The following TENM3 variants were observed in gnomAD, a reference collection of about 807,000 sequenced individuals.
TENM3 encodes the protein teneurin-3.
Under a neutral mutation model 255.1 loss-of-function variants are expected in TENM3, and 63 were observed. The observed-to-expected ratio is 0.25, with a 90% CI of 0.20 to 0.30. The LOEUF (loss-of-function observed/expected upper bound fraction) is 0.30, where lower values mean the gene tolerates loss of function less well. TENM3 is among the 10% of genes least tolerant of loss of function. The pLI is 1.00. For synonymous variants in TENM3, 1,306 were observed against 1,322.3 expected (o/e 0.99, Z 0.27); for missense variants, 2,929 against 3,461.1 (o/e 0.85, Z 3.86).
the TENM3 span, among the ~76,000 whole-genome samples, chr4:181,552,653 T>G: frequency 6.6e-6 from 1 of 152,186 alleles, no homozygotes; most frequent in African/African-American, 2.4e-5. Flanking sequence ...CATTCTCAGT[T>G]ACTGGGGGGA....
chr4:181,601,966 G>C, the TENM3 span, among the ~76,000 whole-genome samples: 2 of 149,276 alleles, frequency 1.3e-5, no homozygotes, highest in Non-Finnish European at 3.0e-5. Flanking sequence ...CTTCTAAGAT[G>C]CTTGTCTTTG....
intron 1 of TENM3, among the ~76,000 whole-genome samples, chr4:182,280,384 A>G (rs748517781): frequency 6.6e-6 from 1 of 152,196 alleles, no homozygotes; most frequent in African/African-American, 2.4e-5. Context: ...CAACCAGTCC[A>G]TCATAGTCAC....
At chr4:181,496,573 A>C in the TENM3 span, among the ~76,000 whole-genome samples, 4 of 152,192 alleles carry the variant, frequency 2.6e-5, no homozygotes, top group Admixed American at 6.5e-5. Context: ...GTAACTTTTC[A>C]ATGTATAATT....
the TENM3 span, among the ~76,000 whole-genome samples, chr4:181,631,011 GTTCT>G: frequency 1.3e-5 from 2 of 152,148 alleles, no homozygotes; most frequent in African/African-American, 4.8e-5. Flanking sequence ...AGTGAGCTGG[GTTCT>G]CTGATTGCGG....
At chr4:182,695,654 A>G (rs1298637660) in intron 12 of TENM3, among the ~76,000 whole-genome samples, 1 of 152,186 alleles carries the variant, frequency 6.6e-6, no homozygotes, top group Non-Finnish European at 1.5e-5. Context: ...CTAGATGAAG[A>G]TACGACTTTG....
rs528439352 is a variant in TENM3 at position 182,359,881 on chromosome 4, C to T, written c.511+12952C>T. Among the ~76,000 whole-genome samples the T allele has an allele frequency of 5.5e-3, 827 of 150,182 alleles. 9 individuals are homozygous for T. The highest frequency in any genetic ancestry group is 0.019 in the African/African-American group (790 of 41,206). ...TTAGTGCTATAAATTTCCCTCTACA[C>T]ACTGCTTTGAATGCGTCCCAGAGAT... On this transcript the variant is annotated intron_variant, in intron 3 of 27. Coordinates refer to ENST00000511685, the MANE Select transcript of TENM3 (RefSeq NM_001080477.4).
the TENM3 span, among the ~76,000 whole-genome samples, chr4:182,055,774 A>G: frequency 6.6e-6 from 1 of 152,168 alleles, no homozygotes; most frequent in South Asian, 2.1e-4. Context: ...CTATAAATCC[A>G]TATGACTTAA....
At chr4:181,512,284 G>T in the TENM3 span, among the ~76,000 whole-genome samples, 2 of 152,066 alleles carry the variant, frequency 1.3e-5, no homozygotes, top group African/African-American at 4.8e-5. Flanking sequence ...TTCTCTTCTA[G>T]AACAGTCTAC....
At chr4:182,787,088 C>CA (rs1450132295) in intron 24 of TENM3, among the ~76,000 whole-genome samples, 2 of 152,124 alleles carry the variant, frequency 1.3e-5, no homozygotes, top group African/African-American at 2.4e-5. Context: ...CCAAGGTACA[C>CA]AAAGTATTCT....
the TENM3 span, among the ~76,000 whole-genome samples, chr4:181,885,604 C>A: frequency 6.6e-6 from 1 of 152,208 alleles, no homozygotes; most frequent in Admixed American, 6.5e-5. Flanking sequence ...TTAAACAACA[C>A]AACCTCTACT....
the TENM3 span, among the ~76,000 whole-genome samples, chr4:181,568,060 C>G: frequency 6.6e-6 from 1 of 152,004 alleles, no homozygotes; most frequent in African/African-American, 2.4e-5. Flanking sequence ...AAGGAATGAT[C>G]AAGCATCTAG....
At chr4:181,908,210 T>C in the TENM3 span, among the ~76,000 whole-genome samples, 1 of 152,232 alleles carries the variant, frequency 6.6e-6, no homozygotes, top group Non-Finnish European at 1.5e-5. Flanking sequence ...GAAAATTCAA[T>C]GTGCCCATAT....
At chr4:181,741,387 T>G in the TENM3 span, among the ~76,000 whole-genome samples, 9 of 152,290 alleles carry the variant, frequency 5.9e-5, 1 homozygote, top group African/African-American at 2.2e-4. Context: ...TAGTAGCTCT[T>G]GAGAATTTGT....
At chr4:181,579,989 ATTTTATTTTATTTT>A in the TENM3 span, among the ~76,000 whole-genome samples, 2 of 60,432 alleles carry the variant, frequency 3.3e-5, no homozygotes, top group African/African-American at 6.4e-5. Flanking sequence ...ATTTTATTTT[ATTTTATTTTATTTT>A]ATTTATTTTT....
chr4:182,278,305 T>G (rs1760141568), intron 1 of TENM3, among the ~76,000 whole-genome samples: 1 of 151,806 alleles, frequency 6.6e-6, no homozygotes, highest in Non-Finnish European at 1.5e-5. Context: ...AGGTGGAGGT[T>G]GCGGTGAGCC....
chr4:181,920,553 T>C, the TENM3 span, among the ~76,000 whole-genome samples: 1 of 152,250 alleles, frequency 6.6e-6, no homozygotes, highest in Non-Finnish European at 1.5e-5. Flanking sequence ...TGTCTGTTCA[T>C]ATCCTTCGCC....
At chr4:181,538,771 CAG>C in the TENM3 span, among the ~76,000 whole-genome samples, 1 of 152,194 alleles carries the variant, frequency 6.6e-6, no homozygotes. Flanking sequence ...TCTTCCTTTT[CAG>C]AGAGTAGAAT....
the TENM3 span, among the ~76,000 whole-genome samples, chr4:182,103,019 G>A: frequency 6.6e-6 from 1 of 152,142 alleles, no homozygotes; most frequent in African/African-American, 2.4e-5. Context: ...GAAAAGTTAA[G>A]ACTCTGTTTA....
the TENM3 span, among the ~76,000 whole-genome samples, chr4:182,101,114 A>AGAAGGAGGGAGGGAAAGAAGGGAGGGAG: frequency 2.0e-4 from 1 of 4,884 alleles, no homozygotes; most frequent in Non-Finnish European, 6.5e-4. Flanking sequence ...GAGGAAGGAA[A>AGAAGGAGGGAGGGAAAGAAGGGAGGGAG]GAAGGAAGGA....
Sources: gnomAD v4.1 joint callset for allele counts (sites outside exome capture counted in the v4.1 genomes callset) on GRCh38, gnomAD v4.1.1 for gene constraint, MANE v1.5 for transcripts, NCBI Gene and HGNC (gene_info 2026-07-23, HGNC 2026-07-21) for gene names.